Variants in TNIK observed in about 807,000 individuals in gnomAD.
TNIK encodes the protein TRAF2 and NCK interacting kinase.
Under a neutral mutation model 191.3 loss-of-function variants are expected in TNIK, and 49 were observed. The ratio of observed to expected loss-of-function variants is 0.26; its 90% CI spans 0.20 to 0.32. The LOEUF (loss-of-function observed/expected upper bound fraction) is 0.32, where lower values mean the gene tolerates loss of function less well. Ranked by LOEUF, TNIK falls within the 10% of genes least tolerant of loss-of-function variation. The pLI is 1.00. For synonymous variants in TNIK, 594 were observed against 600.9 expected, an observed-to-expected ratio of 0.99 and a Z score of 0.17; for missense variants, 1,155 against 1,702.3, an observed-to-expected ratio of 0.68 and a Z score of 5.66.
intron 2 of TNIK, among the ~76,000 whole-genome samples, chr3:171,255,155 T>G (rs1050155959): frequency 6.6e-6 from 1 of 152,226 alleles, no homozygotes; most frequent in South Asian, 2.1e-4. Context: ...TTTTATCTGA[T>G]GCTGATTCAA....
chr3:171,093,390 T>C (rs1012233619), intron 23 of TNIK, among the ~76,000 whole-genome samples: 1 of 152,248 alleles, frequency 6.6e-6, no homozygotes, highest in Admixed American at 6.5e-5. Flanking sequence ...TTAATGTTAA[T>C]TTAACAAGAT....
At chr3:171,294,238 AAACAAAC>A (rs1274958582) in intron 2 of TNIK, among the ~76,000 whole-genome samples, 2 of 151,890 alleles carry the variant, frequency 1.3e-5, no homozygotes, top group African/African-American at 2.4e-5. Context: ...CAAAACAAAC[AAACAAAC>A]AACAACAAAT....
chr3:171,456,720 C>G (rs976650513), intron 1 of TNIK, among the ~76,000 whole-genome samples: 3 of 152,182 alleles, frequency 2.0e-5, no homozygotes, highest in Non-Finnish European at 4.4e-5. Flanking sequence ...GTATCACAAG[C>G]TTACTTGCAT....
At chr3:171,218,246 G>A (rs977762965) in intron 3 of TNIK, among the ~76,000 whole-genome samples, 21 of 152,098 alleles carry the variant, frequency 1.4e-4, no homozygotes, top group African/African-American at 2.4e-4. Flanking sequence ...TTTGCCAGTA[G>A]GCTAACCTGC....
chr3:171,175,410 G>A (rs1735843933), intron 8 of TNIK, 80 bp from the exon 9 acceptor site: 1 of 1,231,612 alleles, frequency 8.1e-7, no homozygotes, highest in Admixed American at 2.6e-5. Flanking sequence ...TGCAGATAAT[G>A]GCTGCCCAAT....
rs1461847243 is a variant in TNIK, at chr3:171,085,101, G to T, written c.2998+17C>A. On this transcript the variant is annotated intron_variant, in intron 25 of 32. Coordinates refer to ENST00000436636, the MANE Select transcript of TNIK (RefSeq NM_015028.4). ...AAGACGAAGCTGTTTTTTAAACACA[G>T]GGCCCTTCTTGCTTACCTGCGGCTG... is the stretch of plus-strand genomic sequence containing the variant. The T allele has an allele frequency of 1.3e-6, 2 of 1,585,630 alleles. No homozygotes were observed. Among genetic ancestry groups the T allele is most frequent in the Admixed American group, 1.8e-5 (1 of 55,808 alleles).
At chr3:171,394,004 T>C (rs943482449) in intron 1 of TNIK, among the ~76,000 whole-genome samples, 2 of 152,242 alleles carry the variant, frequency 1.3e-5, no homozygotes, top group Admixed American at 6.5e-5. Flanking sequence ...TATAGCATCT[T>C]ACAATCAATT....
chr3:171,114,934 ATAAATAATCTCTTT>A (rs1726443758), intron 18 of TNIK, among the ~76,000 whole-genome samples: 1 of 149,272 alleles, frequency 6.7e-6, no homozygotes, highest in Admixed American at 6.6e-5. Flanking sequence ...ATTTTTTAAA[ATAAATAATCTCTTT>A]TAATTCCCAA....
intron 2 of TNIK, among the ~76,000 whole-genome samples, chr3:171,283,248 C>T (rs375553704): frequency 1.3e-5 from 2 of 151,384 alleles, no homozygotes; most frequent in African/African-American, 4.9e-5. Context: ...ACTAAGAAAA[C>T]ATACAGTTCT....
intron 1 of TNIK, among the ~76,000 whole-genome samples, chr3:171,450,528 C>T (rs965276621): frequency 6.6e-6 from 1 of 152,122 alleles, no homozygotes; most frequent in African/African-American, 2.4e-5. Flanking sequence ...CTTCTCTGAC[C>T]CCAAATTTCT....
chr3:171,329,440 A>T (rs1451041109), intron 2 of TNIK, among the ~76,000 whole-genome samples: 3 of 152,214 alleles, frequency 2.0e-5, no homozygotes, highest in African/African-American at 7.2e-5. Context: ...CAAACTGCAG[A>T]TCTTTTCTAA....
intron 21 of TNIK, among the ~76,000 whole-genome samples, chr3:171,102,601 A>G (rs111975362): frequency 1.4e-3 from 218 of 152,304 alleles, no homozygotes; most frequent in Non-Finnish European, 2.6e-3. Context: ...GCAAATGGGG[A>G]AAAAGCAATT....
intron 18 of TNIK, among the ~76,000 whole-genome samples, chr3:171,113,646 T>G (rs929305596): frequency 1.3e-5 from 2 of 151,754 alleles, no homozygotes; most frequent in Admixed American, 1.3e-4. Context: ...CCAAATTTGT[T>G]GGTAGGCTAC....
chr3:171,064,486 A>C (rs1437876954), intron 32 of TNIK, among the ~76,000 whole-genome samples: 1 of 152,192 alleles, frequency 6.6e-6, no homozygotes, highest in Non-Finnish European at 1.5e-5. Flanking sequence ...AAAAACATTA[A>C]ATAGTGTGGT....
At chr3:171,270,989 C>A (rs189299381) in intron 2 of TNIK, among the ~76,000 whole-genome samples, 1 of 152,160 alleles carries the variant, frequency 6.6e-6, no homozygotes, top group Non-Finnish European at 1.5e-5. Context: ...ATTTGTTTAC[C>A]TTTCTGGCTC....
chr3:171,304,782 TTC>T (rs1247123066), intron 2 of TNIK, among the ~76,000 whole-genome samples: 1 of 151,882 alleles, frequency 6.6e-6, no homozygotes, highest in Non-Finnish European at 1.5e-5. Context: ...ACACCACATG[TTC>T]TCACTCAGGT....
intron 2 of TNIK, among the ~76,000 whole-genome samples, chr3:171,315,915 T>C (rs757557150): frequency 5.3e-5 from 8 of 152,162 alleles, no homozygotes; most frequent in Non-Finnish European, 8.8e-5. Flanking sequence ...TCACAGGTAC[T>C]GGGTATTAGG....
chr3:171,203,455 C>T (rs932051136), intron 4 of TNIK, among the ~76,000 whole-genome samples: 1 of 152,108 alleles, frequency 6.6e-6, no homozygotes, highest in Non-Finnish European at 1.5e-5. Context: ...TTGATATGTG[C>T]CCTCTAAACA....
At chr3:171,322,849 T>C (rs1208292956) in intron 2 of TNIK, among the ~76,000 whole-genome samples, 5 of 151,336 alleles carry the variant, frequency 3.3e-5, no homozygotes, top group African/African-American at 9.7e-5. Flanking sequence ...CTTTTTTTTT[T>C]TTTTTTTAAG....
Sources: gnomAD v4.1 joint callset for allele counts (sites outside exome capture counted in the v4.1 genomes callset) on GRCh38, gnomAD v4.1.1 for gene constraint, MANE v1.5 for transcripts, NCBI Gene and HGNC (gene_info 2026-07-23, HGNC 2026-07-21) for gene names.